DNAH14: variants seen among roughly 807,000 people sequenced by gnomAD.
The protein encoded by DNAH14 is dynein axonemal heavy chain 14, also known as axonemal beta dynein heavy chain 14.
In DNAH14, 478 loss-of-function variants were observed where a neutral mutation model predicts 520.9. The ratio of observed to expected loss-of-function variants is 0.92; its 90% CI spans 0.85 to 0.99. The LOEUF is 0.99. Ranked by LOEUF, DNAH14 falls within the 50% of genes least tolerant of loss-of-function variation. The pLI, the probability that DNAH14 is intolerant of heterozygous loss-of-function variation, is 0.00. For missense variants in DNAH14, 4,831 were observed against 5,234.5 expected (o/e 0.92, Z 2.38); for synonymous variants, 1,581 against 1,757.2 (o/e 0.90, Z 2.51).
intron 55 of DNAH14, among the ~76,000 whole-genome samples, chr1:225,299,840 A>C (rs918598706): frequency 1.1e-4 from 17 of 152,184 alleles, no homozygotes; most frequent in African/African-American, 4.1e-4. Context: ...GAGGTGAGAC[A>C]GGAAATACGT....
chr1:225,301,229 C>T (rs937183721), intron 56 of DNAH14, among the ~76,000 whole-genome samples, 199 bp downstream of exon 56: 2 of 152,052 alleles, frequency 1.3e-5, no homozygotes, highest in African/African-American at 4.8e-5. Flanking sequence ...CTGAGCCTGT[C>T]TGGCTATCAA....
chr1:225,147,191 T>A lies in DNAH14; in HGVS notation c.4882T>A (p.Ser1628Thr). Residue 1628 changes from serine (S) to threonine (T), a missense_variant, in exon 31 of 86, where the codon TCT (serine) becomes ACT (threonine). Transcript: ENST00000682510. ...CAATCTAATTGATTTGGAAGTTCTC[T>A]CTGTCATTGCCTCACAGATCCTAAC... Reference protein sequence around the residue: ...EFNLIDLEVLSVIASQILTIK... With the variant: ...EFNLIDLEVLTVIASQILTIK... 6.4e-7 allele frequency: 1 copy of A among 1,551,172 alleles called. No homozygotes were observed.
At chr1:225,058,040 C>G (rs2069399040) in intron 17 of DNAH14, among the ~76,000 whole-genome samples, 2 of 152,116 alleles carry the variant, frequency 1.3e-5, no homozygotes, top group South Asian at 4.2e-4. Context: ...TGATGCTGGC[C>G]TCATAAAATG....
At chr1:225,319,395 G>A (rs116866292) in intron 61 of DNAH14, among the ~76,000 whole-genome samples, 18 of 152,232 alleles carry the variant, frequency 1.2e-4, no homozygotes, top group East Asian at 5.8e-4. Flanking sequence ...TACCTATAAC[G>A]TCTTGGAATG....
intron 8 of DNAH14, among the ~76,000 whole-genome samples, chr1:224,977,945 A>G (rs1572197672): frequency 6.6e-6 from 1 of 152,204 alleles, no homozygotes; most frequent in African/African-American, 2.4e-5. Flanking sequence ...AGGGCAATGC[A>G]AGTCAAAACC....
chr1:225,224,755 C>T (rs2090379969), intron 41 of DNAH14, among the ~76,000 whole-genome samples: 1 of 152,204 alleles, frequency 6.6e-6, no homozygotes, highest in Admixed American at 6.5e-5. Flanking sequence ...AATTTCCTCA[C>T]TCATTCTGGA....
In DNAH14 at chr1:225,226,670, GAAAT is replaced by G. The variant is rs1275828873; in HGVS notation, c.6440-4400_6440-4397del. 8.5e-5 allele frequency among the ~76,000 whole-genome samples: 13 copies of G among 152,292 alleles called. No homozygotes were observed. In the East Asian group the frequency reaches 1.2e-3, roughly 14 times the overall value. ...AGGTGGAGATGAGAGACTGAGAAAA[GAAAT>G]AAGACAGAGACAAAGTATAGAGGAA... On this transcript the variant is annotated intron_variant, in intron 41 of 85. Coordinates refer to ENST00000682510, the MANE Select transcript of DNAH14 (RefSeq NM_001367479.1).
chr1:225,324,291 G>C lies in DNAH14; in HGVS notation c.9565G>C (p.Val3189Leu). Reference sequence around the variant, plus strand: ...CCCACACAAGATTTCGCTGGTTTCTGTTGCTTGTTGCTCCCTGTGCCAGTG... The same window carrying C: ...CCCACACAAGATTTCGCTGGTTTCTCTTGCTTGTTGCTCCCTGTGCCAGTG... ...FNPHKISLVS[V>L]ACCSLCQWVI... Residue 3189 changes from valine to leucine, a missense_variant, in exon 63 of 86, where the codon GTT becomes CTT. By Grantham distance (32) the Val-to-Leu change is conservative (BLOSUM62 1). Transcript: ENST00000682510. The C allele has an allele frequency of 1.9e-6, 3 of 1,551,786 alleles. No individual in the cohort carries two copies. Among genetic ancestry groups the C allele is most frequent in the Non-Finnish European group, 2.6e-6 (3 of 1,147,012 alleles).
intron 69 of DNAH14, among the ~76,000 whole-genome samples, chr1:225,345,106 A>G (rs2095266723): frequency 6.6e-6 from 1 of 152,156 alleles, no homozygotes; most frequent in African/African-American, 2.4e-5. Context: ...ACTGTGAGAG[A>G]TGGTCCATGA....
chr1:224,953,813 A>C (rs537647140), intron 2 of DNAH14, among the ~76,000 whole-genome samples: 2 of 152,324 alleles, frequency 1.3e-5, no homozygotes, highest in African/African-American at 4.8e-5. Flanking sequence ...TTATGTATTA[A>C]TTAAAAGACT....
In DNAH14 at chr1:225,335,945, ATG is replaced by A. The variant is rs1329663091; in HGVS notation, c.10081-1319_10081-1318del. Among the ~76,000 whole-genome samples, 50 of 122,046 alleles carry A rather than the reference ATG, an allele frequency of 4.1e-4. 1 individual carries two copies. The highest frequency in any genetic ancestry group is 1.4e-3 in the African/African-American group (49 of 35,844). The allele number at this position is 122,046 out of a possible 152,430, so 80.1% of individuals were successfully genotyped here. ...TGCACATATACCTATATATACATAT[ATG>A]TATATATACACATATACATATATGT... is the stretch of plus-strand genomic sequence containing the variant. On this transcript the variant is annotated intron_variant, in intron 66 of 85. Transcript: ENST00000682510.
chr1:225,171,049 T>G (rs2082587300), intron 36 of DNAH14, among the ~76,000 whole-genome samples: 1 of 152,092 alleles, frequency 6.6e-6, no homozygotes, highest in Non-Finnish European at 1.5e-5. Context: ...AAGGCAGAAA[T>G]AAAGATGTTC....
At chr1:225,333,247 A>AATATATTTTATAT in intron 65 of DNAH14, 44 bp from the exon 66 acceptor site, 1 of 1,384,046 alleles carries the variant, frequency 7.2e-7, no homozygotes, top group Non-Finnish European at 9.8e-7. Context: ...ATCTCATGAT[A>AATATATTTTATAT]ATATATTTTA....
At chr1:225,100,649 C>T (rs1221398706) in intron 22 of DNAH14, 64 bp from the exon 23 acceptor site, 11 of 1,255,344 alleles carry the variant, frequency 8.8e-6, no homozygotes, top group Non-Finnish European at 1.2e-5. Context: ...CAATGCATTA[C>T]ATTATAGATT....
At chr1:225,219,023 T>C (rs551929004) in intron 41 of DNAH14, among the ~76,000 whole-genome samples, 2 of 152,230 alleles carry the variant, frequency 1.3e-5, no homozygotes, top group South Asian at 2.1e-4. Context: ...CACAACTACA[T>C]GGAAACTGAA....
intron 41 of DNAH14, among the ~76,000 whole-genome samples, chr1:225,221,842 ATGT>A (rs2090073419): frequency 6.6e-6 from 1 of 152,214 alleles, no homozygotes. Flanking sequence ...TTGTTTACTG[ATGT>A]TGTCCTAAAA....
chr1:225,168,646 G>C (rs1042732922), intron 36 of DNAH14, among the ~76,000 whole-genome samples: 1 of 152,174 alleles, frequency 6.6e-6, no homozygotes, highest in Non-Finnish European at 1.5e-5. Flanking sequence ...TAAACAAAGC[G>C]GCCTGGAATC....
intron 46 of DNAH14, 75 bp from the exon 47 acceptor site, chr1:225,264,122 A>C: frequency 8.0e-7 from 1 of 1,243,442 alleles, no homozygotes; most frequent in Non-Finnish European, 1.1e-6. Flanking sequence ...ATATGCTGTT[A>C]CTTTTTTGTT....
At chr1:225,342,538 A>G (rs1381347782) in intron 69 of DNAH14, among the ~76,000 whole-genome samples, 1 of 152,164 alleles carries the variant, frequency 6.6e-6, no homozygotes, top group East Asian at 1.9e-4. Context: ...CCTTAGAAGA[A>G]TGTTTTAGAA....
Sources: allele counts gnomAD v4.1 joint callset (sites outside exome capture counted in the v4.1 genomes callset), GRCh38; gene constraint gnomAD v4.1.1; transcripts MANE v1.5; gene names NCBI Gene and HGNC (gene_info 2026-07-23, HGNC 2026-07-21).